ZDHHC14: variants seen among roughly 807,000 people sequenced by gnomAD.
ZDHHC14 encodes palmitoyltransferase ZDHHC14.
A neutral mutation model predicts 47.7 loss-of-function variants in ZDHHC14; 16 were observed. The observed-to-expected ratio is 0.34, with a 90% CI of 0.23 to 0.51. The LOEUF (loss-of-function observed/expected upper bound fraction) is 0.51, where lower values mean the gene tolerates loss of function less well. Ranked by LOEUF, ZDHHC14 falls within the 20% of genes least tolerant of loss-of-function variation. The pLI is 0.97. For missense variants in ZDHHC14, 515 were observed against 662.5 expected (o/e 0.78, Z 2.44); for synonymous variants, 293 against 278.9 (o/e 1.05, Z -0.50).
chr6:157,591,918 C>T (rs546004290), intron 2 of ZDHHC14, among the ~76,000 whole-genome samples: 42 of 152,328 alleles, frequency 2.8e-4, no homozygotes, highest in African/African-American at 1.0e-3. Flanking sequence ...TGGCTTGCAT[C>T]TGTCAGCCAC....
At chr6:157,522,982 T>TCC (rs1562461102) in intron 1 of ZDHHC14, among the ~76,000 whole-genome samples, 127 of 36,242 alleles carry the variant, frequency 3.5e-3, no homozygotes, top group African/African-American at 0.024. Flanking sequence ...TTTCTTTTCT[T>TCC]TTTCTTTTCT....
rs577935596 is a variant in ZDHHC14 at position 157,673,576 on chromosome 6, C to G, written c.*454C>G. The G allele has an allele frequency of 1.8e-5, 3 of 163,782 alleles. No individual in the cohort carries two copies. In the East Asian group the frequency reaches 5.5e-4, roughly 30 times the overall value. 10.1% of individuals were successfully genotyped at this position (163,782 alleles called of 1,614,324 possible). A position where few individuals can be genotyped will look rare whatever the true frequency, so the allele number is the denominator to read the frequency against. On this transcript the variant is annotated 3_prime_UTR_variant, in exon 9 of 9. Coordinates refer to ENST00000359775, the MANE Select transcript of ZDHHC14 (RefSeq NM_024630.3). The surrounding 1 kb of genome is among the most constrained non-coding windows in gnomAD (Gnocchi z 5.4). ...GGGAAAAAACCGACCAGGTGTGGATCTGCATGCCACGCTGCCGTCTGTGTT... is the reference window on the plus strand; with the variant it reads ...GGGAAAAAACCGACCAGGTGTGGATGTGCATGCCACGCTGCCGTCTGTGTT...
chr6:157,387,195 C>T (rs1308046864), intron 1 of ZDHHC14, among the ~76,000 whole-genome samples: 4 of 151,574 alleles, frequency 2.6e-5, no homozygotes, highest in African/African-American at 9.7e-5. Flanking sequence ...TCCCTCCTTC[C>T]TTCCCTTCTT....
At chr6:157,479,227 G>A (rs1440155220) in intron 1 of ZDHHC14, among the ~76,000 whole-genome samples, 1 of 152,234 alleles carries the variant, frequency 6.6e-6, no homozygotes, top group East Asian at 1.9e-4. Flanking sequence ...TGGGGATATA[G>A]TACTTACCTC....
intron 1 of ZDHHC14, among the ~76,000 whole-genome samples, chr6:157,433,076 A>C (rs1442588280): frequency 6.6e-6 from 1 of 152,200 alleles, no homozygotes; most frequent in Admixed American, 6.5e-5. Context: ...TGTCTAATGA[A>C]CGTGTTACAT....
intron 1 of ZDHHC14, among the ~76,000 whole-genome samples, chr6:157,406,022 A>G (rs1777752618): frequency 6.6e-6 from 1 of 152,190 alleles, no homozygotes; most frequent in Admixed American, 6.5e-5. Context: ...GCCACCCTTG[A>G]CAATCATTTG....
intron 1 of ZDHHC14, among the ~76,000 whole-genome samples, chr6:157,426,585 G>A (rs910960001): frequency 6.6e-6 from 1 of 152,104 alleles, no homozygotes; most frequent in Non-Finnish European, 1.5e-5. Flanking sequence ...CAGAAGAGAG[G>A]GTAGCCTGGT....
chr6:157,533,710 G>A (rs1781446026), intron 1 of ZDHHC14, among the ~76,000 whole-genome samples: 1 of 152,226 alleles, frequency 6.6e-6, no homozygotes, highest in South Asian at 2.1e-4. Flanking sequence ...CATTGGGCAC[G>A]GAGTGCAGCC....
At chr6:157,460,785 A>T (rs902246829) in intron 1 of ZDHHC14, among the ~76,000 whole-genome samples, 2 of 152,152 alleles carry the variant, frequency 1.3e-5, no homozygotes, top group African/African-American at 4.8e-5. Context: ...CCGTTTGCTT[A>T]TGGCTGGGGA....
Position 157,382,069 on chromosome 6 carries a change from G to A in ZDHHC14, c.48G>A (p.Gln16=), listed in dbSNP as rs755997440. 4.4e-6 allele frequency: 7 copies of A among 1,604,634 alleles called. No homozygotes were observed. The East Asian group carries it at 9.0e-5, about 21-fold the overall frequency. The change falls in exon 1 of 9, where the codon CAG becomes CAA. Residue 16 remains glutamine (Q), a synonymous_variant. Transcript: ENST00000359775. ...CCATGAAAGACTGCGAGTACAGCCA[G>A]ATCAGCACCCACAGCTCCTCCCCCA... ...GGPMKDCEYS[Q]ISTHSSSPME...
At chr6:157,593,288 G>A (rs1296199225) in intron 3 of ZDHHC14, 142 bp downstream of exon 3, 7 of 1,118,286 alleles carry the variant, frequency 6.3e-6, no homozygotes, top group South Asian at 5.0e-5. Context: ...AGTTCACCGG[G>A]CCTAGAGTCA....
chr6:157,645,624 A>T (rs1279168739), intron 5 of ZDHHC14, 113 bp from the exon 6 acceptor site: 3 of 750,896 alleles, frequency 4.0e-6, no homozygotes, highest in East Asian at 5.6e-5. Flanking sequence ...GGTGAGAGAG[A>T]GGCCAGCAAC....
At chr6:157,438,801 T>C (rs974705889) in intron 1 of ZDHHC14, among the ~76,000 whole-genome samples, 16 of 152,238 alleles carry the variant, frequency 1.1e-4, no homozygotes, top group African/African-American at 3.9e-4. Context: ...TAGAGTACTA[T>C]TTCCAATAGC....
intron 1 of ZDHHC14, among the ~76,000 whole-genome samples, chr6:157,491,157 C>T (rs573928408): frequency 6.6e-6 from 1 of 152,306 alleles, no homozygotes; most frequent in Non-Finnish European, 1.5e-5. Flanking sequence ...TTTGTCCCCT[C>T]GTTCTGTGGG....
chr6:157,529,056 G>C (rs17541624), intron 1 of ZDHHC14: 90,258 of 154,454 alleles, frequency 0.58, 27,038 homozygotes, highest in African/African-American at 0.73. Flanking sequence ...CCTTGTAGTT[G>C]CTAGTGTCTA....
At chr6:157,548,290 G>A (rs1252650570) in intron 2 of ZDHHC14, among the ~76,000 whole-genome samples, 2 of 152,092 alleles carry the variant, frequency 1.3e-5, no homozygotes, top group Non-Finnish European at 2.9e-5. Flanking sequence ...ATTTGCAGTG[G>A]CCCTTTCAGC....
At chr6:157,425,389 G>A (rs1158337034) in intron 1 of ZDHHC14, among the ~76,000 whole-genome samples, 1 of 152,094 alleles carries the variant, frequency 6.6e-6, no homozygotes, top group Admixed American at 6.6e-5. Context: ...AGCTGTATAG[G>A]CATATCATAT....
rs1382279668 is a variant in ZDHHC14 at position 157,677,721 on chromosome 6, T to C, written c.*4599T>C. 2 of 152,028 alleles carry C rather than the reference T, an allele frequency of 1.3e-5. No homozygotes were observed. Among genetic ancestry groups the C allele is most frequent in the East Asian group, 1.9e-4 (1 of 5,158 alleles). 9.4% of individuals were successfully genotyped at this position (152,028 alleles called of 1,614,324 possible). ...AAACTTGATATTGGTGATAAAGGTA[T>C]GAATGAACAACTCTCTTACTTGCCC... is the stretch of plus-strand genomic sequence containing the variant. On this transcript the variant is annotated 3_prime_UTR_variant, in exon 9 of 9. Coordinates refer to ENST00000359775, the MANE Select transcript of ZDHHC14 (RefSeq NM_024630.3).
At chr6:157,636,358 T>TGTGTGC (rs1237592178) in intron 5 of ZDHHC14, among the ~76,000 whole-genome samples, 1 of 151,862 alleles carries the variant, frequency 6.6e-6, no homozygotes, top group African/African-American at 2.4e-5. Flanking sequence ...TGTGTGTGTG[T>TGTGTGC]GTGCATGCAT....
Sources: gnomAD v4.1 joint callset for allele counts (sites outside exome capture counted in the v4.1 genomes callset) on GRCh38, gnomAD v4.1.1 for gene constraint, Gnocchi (gnomAD v3.1) non-coding constraint, MANE v1.5 for transcripts, NCBI Gene and HGNC (gene_info 2026-07-23, HGNC 2026-07-21) for gene names.